Variants in ST3GAL5 observed in about 807,000 individuals in gnomAD.
The protein encoded by ST3GAL5 is lactosylceramide alpha-2,3-sialyltransferase.
In ST3GAL5, 25 loss-of-function variants were observed where a neutral mutation model predicts 46.1. The observed-to-expected ratio is 0.54, with a 90% CI of 0.40 to 0.76. The LOEUF is 0.76. Among genes scored for constraint, ST3GAL5 ranks in the 30% least tolerant of loss-of-function variants. ST3GAL5 has a pLI of 0.00. For missense variants in ST3GAL5, 431 were observed against 521.2 expected (o/e 0.83, Z 1.69); for synonymous variants, 182 against 192.7 (o/e 0.94, Z 0.46).
intron 1 of ST3GAL5, 54 bp from the exon 2 acceptor site, chr2:85,863,539 G>C (rs2104080955): frequency 6.2e-7 from 1 of 1,600,014 alleles, no homozygotes; most frequent in South Asian, 1.1e-5. Context: ...AGAGTTAGGA[G>C]GATGGATTAT....
chr2:85,839,980 A>T lies in ST3GAL5; in HGVS notation c.*164T>A. 5.0e-6 allele frequency: 5 copies of T among 994,694 alleles called. No individual in the cohort carries two copies. In the South Asian group the frequency reaches 8.0e-5, roughly 16 times the overall value. 61.6% of individuals were successfully genotyped at this position (994,694 alleles called of 1,614,324 possible). On this transcript the variant is annotated 3_prime_UTR_variant, in exon 7 of 7. Transcript: ENST00000638572. ...AAACACTGACCTCAAATAAATAGGA[A>T]AAAAAAAGTGGGAAGAGCTAAAATT...
intron 4 of ST3GAL5, chr2:85,847,523 G>C: frequency 9.3e-7 from 1 of 1,075,240 alleles, no homozygotes; most frequent in Non-Finnish European, 1.1e-6. Flanking sequence ...GTCCCTCACT[G>C]TTCCTGGAGC....
intron 3 of ST3GAL5, among the ~76,000 whole-genome samples, chr2:85,859,246 AAG>A (rs1387327674): frequency 6.6e-6 from 1 of 152,208 alleles, no homozygotes; most frequent in African/African-American, 2.4e-5. Flanking sequence ...GGACAGGAAA[AAG>A]AGGATGCAAA....
chr2:85,866,661 T>C (rs982418033), intron 1 of ST3GAL5, among the ~76,000 whole-genome samples: 1 of 152,244 alleles, frequency 6.6e-6, no homozygotes, highest in African/African-American at 2.4e-5. Context: ...AAGCATCTCT[T>C]TCCTTATCTC....
intron 3 of ST3GAL5, among the ~76,000 whole-genome samples, chr2:85,859,780 A>T (rs147381629): frequency 6.6e-6 from 1 of 152,372 alleles, no homozygotes; most frequent in Non-Finnish European, 1.5e-5. Context: ...TTTTGTATAT[A>T]TTCTCTTACT....
intron 1 of ST3GAL5, among the ~76,000 whole-genome samples, chr2:85,870,539 C>T (rs1303662361): frequency 6.6e-6 from 1 of 152,160 alleles, no homozygotes; most frequent in Non-Finnish European, 1.5e-5. Flanking sequence ...TCAGCAACCA[C>T]CTTTATGCAG....
Position 85,837,514 on chromosome 2 carries a change from T to A in ST3GAL5, c.*2630A>T, listed in dbSNP as rs565906835. 2.4e-4 allele frequency: 37 copies of A among 152,352 alleles called. No individual in the cohort carries two copies. The highest frequency in any genetic ancestry group is 8.4e-4 in the African/African-American group (35 of 41,584). The allele number at this position is 152,352 out of a possible 1,614,324, so 9.4% of individuals were successfully genotyped here. ...AAAAGAAACAAGACCTAGTGTTTGA[T>A]AGGTCAGTAGAATGCCTATAGTTTA... On this transcript the variant is annotated 3_prime_UTR_variant, in exon 7 of 7. Transcript: ENST00000638572.
chr2:85,841,123 T>G (rs1012425721), intron 6 of ST3GAL5, among the ~76,000 whole-genome samples: 9 of 151,440 alleles, frequency 5.9e-5, no homozygotes, highest in African/African-American at 2.2e-4. Context: ...CCTTCCACGG[T>G]CCTTCCCAGG....
In ST3GAL5 at chr2:85,879,251, G is replaced by A. The variant is rs192196266; in HGVS notation, c.82+9573C>T. On this transcript the variant is annotated intron_variant, in intron 1 of 6. Coordinates refer to ENST00000638572, the MANE Select transcript of ST3GAL5 (RefSeq NM_003896.4). Reference sequence around the variant, plus strand: ...CCAACCAAGAGATGTGGAGGAGGAAGGTGCCACAGGACTTGGTGCCCAAGC... The same window carrying A: ...CCAACCAAGAGATGTGGAGGAGGAAAGTGCCACAGGACTTGGTGCCCAAGC... Among the ~76,000 whole-genome samples the A allele has an allele frequency of 3.0e-3, 450 of 152,208 alleles. 3 individuals are homozygous for A. The highest frequency in any genetic ancestry group is 7.6e-3 in the African/African-American group (315 of 41,516).
chr2:85,867,374 G>A (rs1397663587), intron 1 of ST3GAL5, among the ~76,000 whole-genome samples: 1 of 152,170 alleles, frequency 6.6e-6, no homozygotes. Context: ...TAAAGTTTGA[G>A]AAGCACTAGC....
rs374194849 is a variant in ST3GAL5, at chr2:85,847,821, T to C, written c.662+40A>G. On this transcript the variant is annotated intron_variant, in intron 4 of 6. Transcript: ENST00000638572. ...AAAAAATAAAATAAAATAAAAACAA[T>C]AAAAATAAGTAAACAAACAAACAAA... 899 of 1,606,712 alleles carry C rather than the reference T, an allele frequency of 5.6e-4. 9 individuals carry two copies. In the South Asian group the frequency reaches 7.7e-3, roughly 14 times the overall value.
At chr2:85,877,488 AT>A (rs1686711539) in intron 1 of ST3GAL5, among the ~76,000 whole-genome samples, 1 of 152,214 alleles carries the variant, frequency 6.6e-6, no homozygotes, top group Non-Finnish European at 1.5e-5. Context: ...CAACTTATGC[AT>A]TTTTGGCTGG....
chr2:85,860,448 A>G (rs1209590615), intron 3 of ST3GAL5, among the ~76,000 whole-genome samples: 2 of 152,254 alleles, frequency 1.3e-5, no homozygotes, highest in East Asian at 1.9e-4. Context: ...AGCCACTAAA[A>G]TAATCAGTGA....
chr2:85,862,067 ATATAT>A (rs764236933), intron 2 of ST3GAL5, among the ~76,000 whole-genome samples: 20 of 152,356 alleles, frequency 1.3e-4, no homozygotes, highest in South Asian at 1.0e-3. Flanking sequence ...ATCTAGCATA[ATATAT>A]TATACATAAT....
rs192906870 is a variant in ST3GAL5 at position 85,858,350 on chromosome 2, G to A, written c.318+2831C>T. 520 of 152,396 alleles carry A rather than the reference G, an allele frequency of 3.4e-3. 2 individuals carry two copies. Among genetic ancestry groups the A allele is most frequent in the Non-Finnish European group, 4.4e-3 (302 of 68,242 alleles). 9.4% of individuals were successfully genotyped at this position (152,396 alleles called of 1,614,324 possible). A position where few individuals can be genotyped will look rare whatever the true frequency, so the allele number is the denominator to read the frequency against. On this transcript the variant is annotated intron_variant, in intron 3 of 6. Coordinates refer to ENST00000638572, the MANE Select transcript of ST3GAL5 (RefSeq NM_003896.4). Reference sequence around the variant, plus strand: ...TTTGAGACAGAGTTTCACTCTTGTCGCCCAGGCTGGAGTGCAATGGCACAG... The same window carrying A: ...TTTGAGACAGAGTTTCACTCTTGTCACCCAGGCTGGAGTGCAATGGCACAG...
At chr2:85,859,202 A>G (rs1684466400) in intron 3 of ST3GAL5, among the ~76,000 whole-genome samples, 1 of 152,202 alleles carries the variant, frequency 6.6e-6, no homozygotes, top group African/African-American at 2.4e-5. Context: ...CCCAGACTTT[A>G]GAACAATCAC....
rs1045716651 is a variant in ST3GAL5, at chr2:85,837,128, A to T, written c.*3016T>A. The T allele has an allele frequency of 7.2e-5, 11 of 152,244 alleles. No homozygotes were observed. The highest frequency in any genetic ancestry group is 7.2e-4 in the Admixed American group (11 of 15,284). 9.4% of individuals were successfully genotyped at this position (152,244 alleles called of 1,614,324 possible). On this transcript the variant is annotated 3_prime_UTR_variant, in exon 7 of 7. Transcript: ENST00000638572. ...CCAAAACAAAAGACATATTGAAGAT[A>T]TATCTATACTCCCATATTTATTGCA... is the stretch of plus-strand genomic sequence containing the variant.
At chr2:85,880,294 C>T (rs750382144) in intron 1 of ST3GAL5, among the ~76,000 whole-genome samples, 2 of 152,194 alleles carry the variant, frequency 1.3e-5, no homozygotes, top group Non-Finnish European at 2.9e-5. Flanking sequence ...GAACAAGTTA[C>T]ATTTCCATTT....
In ST3GAL5 at chr2:85,846,523, C is replaced by T. The variant is rs1682812794; in HGVS notation, c.703G>A (p.Gly235Arg). 7 of 1,614,128 alleles carry T rather than the reference C, an allele frequency of 4.3e-6. No individual in the cohort carries two copies. The highest frequency in any genetic ancestry group is 4.2e-6 in the Non-Finnish European group (5 of 1,180,012). Residue 235 changes from glycine to arginine, a missense_variant, in exon 5 of 7, where the codon GGA becomes AGA. Gly to Arg is a moderately radical substitution (Grantham distance 125). Transcript: ENST00000638572. Reference protein sequence around the residue: ...APVEGYSEHVGNKTTIRMTYP... With the variant: ...APVEGYSEHVRNKTTIRMTYP... ...GTCATCCTTATAGTAGTTTTATTTC[C>T]AACATGTTCTGAATATCCCTCAACT...
Sources: allele counts gnomAD v4.1 joint callset (sites outside exome capture counted in the v4.1 genomes callset), GRCh38; gene constraint gnomAD v4.1.1; transcripts MANE v1.5; gene names NCBI Gene and HGNC (gene_info 2026-07-23, HGNC 2026-07-21).